The following DLG2 variants were observed in gnomAD, a reference collection of about 807,000 sequenced individuals.
DLG2 encodes discs large MAGUK scaffold protein 2.
Under a neutral mutation model 132.5 loss-of-function variants are expected in DLG2, and 45 were observed. That is an observed-to-expected ratio of 0.34 (90% CI 0.27 to 0.44). The LOEUF is 0.44. Among genes scored for constraint, DLG2 ranks in the 20% least tolerant of loss-of-function variants. DLG2 has a pLI of 1.00. For synonymous variants in DLG2, 424 were observed against 419.6 expected, an observed-to-expected ratio of 1.01 and a Z score of -0.13; for missense variants, 1,045 against 1,196.9, an observed-to-expected ratio of 0.87 and a Z score of 1.87.
intron 6 of DLG2, among the ~76,000 whole-genome samples, chr11:84,888,240 T>C (rs1026288550): frequency 1.3e-5 from 2 of 152,070 alleles, no homozygotes; most frequent in Non-Finnish European, 2.9e-5. Flanking sequence ...TTTGAATGAG[T>C]AGAATGAGTG....
At chr11:84,070,744 C>T (rs1462462725) in intron 10 of DLG2, among the ~76,000 whole-genome samples, 5 of 152,176 alleles carry the variant, frequency 3.3e-5, no homozygotes, top group African/African-American at 1.2e-4. Context: ...GGGTTTCTGC[C>T]ACTTTCCAGT....
intron 8 of DLG2, among the ~76,000 whole-genome samples, chr11:84,212,987 T>A (rs979508410): frequency 6.6e-6 from 1 of 152,174 alleles, no homozygotes; most frequent in Admixed American, 6.5e-5. Flanking sequence ...ACGGGGTAGG[T>A]AGATAGTTCC....
intron 6 of DLG2, among the ~76,000 whole-genome samples, chr11:84,857,990 T>G (rs1390710846): frequency 6.6e-6 from 1 of 151,948 alleles, no homozygotes; most frequent in Non-Finnish European, 1.5e-5. Flanking sequence ...CTTTCCAGAC[T>G]CAAGCTATCC....
chr11:84,635,158 C>G, intron 6 of DLG2, among the ~76,000 whole-genome samples: 1 of 152,220 alleles, frequency 6.6e-6, no homozygotes, highest in Non-Finnish European at 1.5e-5. Flanking sequence ...GCGGGAATTT[C>G]AGACAGAAGA....
chr11:84,008,529 TCCTC>T, intron 11 of DLG2, among the ~76,000 whole-genome samples: 1 of 151,856 alleles, frequency 6.6e-6, no homozygotes, highest in South Asian at 2.1e-4. Context: ...TCCAGAACAT[TCCTC>T]CCTTTCCAAA....
At chr11:84,294,966 T>C (rs543379712) in intron 7 of DLG2, among the ~76,000 whole-genome samples, 1 of 152,348 alleles carries the variant, frequency 6.6e-6, no homozygotes, top group Admixed American at 6.5e-5. Context: ...TGAATTATTT[T>C]GAAAACTATA....
At chr11:85,115,188 T>C (rs1050492152) in intron 5 of DLG2, among the ~76,000 whole-genome samples, 3 of 151,948 alleles carry the variant, frequency 2.0e-5, no homozygotes, top group African/African-American at 7.2e-5. Context: ...ATACACTCCA[T>C]GAATGGTACG....
intron 6 of DLG2, among the ~76,000 whole-genome samples, chr11:85,078,348 C>T (rs893663205): frequency 1.3e-5 from 2 of 151,166 alleles, no homozygotes; most frequent in Admixed American, 6.6e-5. Flanking sequence ...AGGAAGTGAG[C>T]GAACTAGTTA....
At chr11:85,110,931 G>A (rs1331244626) in intron 6 of DLG2, among the ~76,000 whole-genome samples, 1 of 152,072 alleles carries the variant, frequency 6.6e-6, no homozygotes, top group Non-Finnish European at 1.5e-5. Context: ...CTCATTTACA[G>A]TACACGTAAT....
chr11:84,623,844 C>T (rs1466312108), intron 6 of DLG2, among the ~76,000 whole-genome samples: 2 of 152,158 alleles, frequency 1.3e-5, no homozygotes, highest in Non-Finnish European at 2.9e-5. Flanking sequence ...TTTTTCTCTT[C>T]ATGTGTTACA....
chr11:83,604,217 C>T (rs532656970), intron 19 of DLG2, among the ~76,000 whole-genome samples: 5 of 152,306 alleles, frequency 3.3e-5, no homozygotes, highest in Admixed American at 1.3e-4. Flanking sequence ...AATTTATCTT[C>T]AGCAGTTTAC....
intron 11 of DLG2, among the ~76,000 whole-genome samples, chr11:84,019,217 T>C (rs1280837287): frequency 6.6e-6 from 1 of 152,144 alleles, no homozygotes; most frequent in Non-Finnish European, 1.5e-5. Context: ...TCTCTATGTG[T>C]GCATGTATTT....
At chr11:84,395,097 C>A (rs1237551061) in intron 7 of DLG2, among the ~76,000 whole-genome samples, 1 of 152,062 alleles carries the variant, frequency 6.6e-6, no homozygotes, top group African/African-American at 2.4e-5. Context: ...ATTGTTTCTT[C>A]AGCTTTGACT....
intron 3 of DLG2, among the ~76,000 whole-genome samples, chr11:85,483,003 A>T (rs535002788): frequency 3.3e-5 from 5 of 152,248 alleles, no homozygotes; most frequent in Admixed American, 3.3e-4. Context: ...AAGATTTCAT[A>T]AAGGAGAAAA....
chr11:85,335,241 C>CTTTTTTTTTTTT (rs34680409), intron 3 of DLG2, among the ~76,000 whole-genome samples: 2 of 148,268 alleles, frequency 1.3e-5, no homozygotes, highest in African/African-American at 4.9e-5. Flanking sequence ...AGCATCTCTG[C>CTTTTTTTTTTTT]TTTTTTTTTT....
At chr11:85,359,051 T>A (rs1314173384) in intron 3 of DLG2, among the ~76,000 whole-genome samples, 1 of 152,196 alleles carries the variant, frequency 6.6e-6, no homozygotes, top group Non-Finnish European at 1.5e-5. Context: ...TTCAGCAAAT[T>A]ATTTAGTGAA....
intron 16 of DLG2, among the ~76,000 whole-genome samples, chr11:83,849,763 T>A (rs199709387): frequency 1.6e-4 from 3 of 18,874 alleles, no homozygotes; most frequent in African/African-American, 4.7e-4. Context: ...TTTTTTTTTT[T>A]TTAAAAAAAA....
At chr11:83,503,369 T>TTATATA (rs34969401) in intron 21 of DLG2, among the ~76,000 whole-genome samples, 22 of 90,648 alleles carry the variant, frequency 2.4e-4, no homozygotes, top group South Asian at 4.3e-4. Context: ...ACACACCCAT[T>TTATATA]TATATATATA....
intron 3 of DLG2, among the ~76,000 whole-genome samples, chr11:85,543,360 C>T (rs918588866): frequency 2.0e-5 from 3 of 152,142 alleles, no homozygotes; most frequent in African/African-American, 7.2e-5. Context: ...TGTACATGTG[C>T]CACATTTTCT....
Sources: gnomAD v4.1 joint callset for allele counts (sites outside exome capture counted in the v4.1 genomes callset) on GRCh38, gnomAD v4.1.1 for gene constraint, MANE v1.5 for transcripts, NCBI Gene and HGNC (gene_info 2026-07-23, HGNC 2026-07-21) for gene names.